The following NCAM1 variants were observed in gnomAD, a reference collection of about 807,000 sequenced individuals.
NCAM1 encodes antigen recognized by monoclonal antibody 5.1H11.
A neutral mutation model predicts 109.8 loss-of-function variants in NCAM1; 14 were observed. The observed-to-expected ratio is 0.13, with a 90% CI of 0.08 to 0.20. The LOEUF is 0.20. Ranked by LOEUF, NCAM1 falls within the 10% of genes least tolerant of loss-of-function variation. NCAM1 has a pLI of 1.00. For missense variants in NCAM1, 774 were observed against 1,109.9 expected, an observed-to-expected ratio of 0.70 and a Z score of 4.30; for synonymous variants, 418 against 442.9, an observed-to-expected ratio of 0.94 and a Z score of 0.70.
At chr11:112,968,893 C>T (rs924649058) in intron 1 of NCAM1, among the ~76,000 whole-genome samples, 1 of 152,140 alleles carries the variant, frequency 6.6e-6, no homozygotes, top group Non-Finnish European at 1.5e-5. Context: ...ACTCAACAAA[C>T]CTTTGTGAAG....
rs60389510 is a variant in NCAM1 at position 113,199,829 on chromosome 11, T to TGAA, written c.53-2550_53-2549insGAA. On this transcript the variant is annotated intron_variant, in intron 1 of 19. Transcript: ENST00000316851. ...GCAAATAAAGTAAAAGAAACACCCT[T>TGAA]AAAAAAAAAAAAAAAAAAAACTTCT... 3.1e-3 allele frequency among the ~76,000 whole-genome samples: 356 copies of TGAA among 115,772 alleles called. 13 individuals are homozygous for TGAA. Among genetic ancestry groups the TGAA allele is most frequent in the African/African-American group, 0.011 (310 of 29,346 alleles). The allele number at this position is 115,772 out of a possible 152,430, so 76.0% of individuals were successfully genotyped here. A position where few individuals can be genotyped will look rare whatever the true frequency, so the allele number is the denominator to read the frequency against.
intron 17 of NCAM1, among the ~76,000 whole-genome samples, chr11:113,262,452 C>T (rs542521233): frequency 3.9e-5 from 6 of 152,206 alleles, no homozygotes; most frequent in Non-Finnish European, 8.8e-5. Context: ...TGTATTTTAG[C>T]GTGGAGGCTT....
At chr11:113,011,118 C>T (rs1328403858) in intron 1 of NCAM1, among the ~76,000 whole-genome samples, 2 of 123,272 alleles carry the variant, frequency 1.6e-5, no homozygotes, top group Non-Finnish European at 3.4e-5. Context: ...CCCCCTCCCC[C>T]CACCCCACCA....
intron 1 of NCAM1, among the ~76,000 whole-genome samples, chr11:113,108,558 G>T (rs998888578): frequency 3.9e-5 from 6 of 152,116 alleles, no homozygotes; most frequent in Non-Finnish European, 8.8e-5. Flanking sequence ...TTCCTGAGAA[G>T]ACTAGGGTAT....
At chr11:113,205,974 G>T in intron 4 of NCAM1, 69 bp from the exon 5 acceptor site, 1 of 1,584,284 alleles carries the variant, frequency 6.3e-7, no homozygotes, top group South Asian at 1.1e-5. Context: ...AAAGGAAAGA[G>T]ACTCAGCCAC....
At chr11:113,133,293 T>C (rs1941474758) in intron 1 of NCAM1, 1 of 152,210 alleles carries the variant, frequency 6.6e-6, no homozygotes, top group Non-Finnish European at 1.5e-5. Flanking sequence ...CTTTGTGTGA[T>C]AGATGTTATT....
chr11:113,051,864 T>A (rs981139498), intron 1 of NCAM1, among the ~76,000 whole-genome samples: 3 of 152,238 alleles, frequency 2.0e-5, no homozygotes, highest in African/African-American at 4.8e-5. Flanking sequence ...CTAAATTAAT[T>A]CATATAAATG....
At chr11:113,148,912 A>G (rs1389162589) in intron 1 of NCAM1, among the ~76,000 whole-genome samples, 1 of 152,142 alleles carries the variant, frequency 6.6e-6, no homozygotes, top group Non-Finnish European at 1.5e-5. Context: ...GGGCAGCAAG[A>G]TAAGGCAGAA....
In NCAM1 at chr11:113,275,417, A is replaced by T. The variant is rs1946382806; in HGVS notation, c.*30A>T. 6.2e-7 allele frequency: 1 copy of T among 1,601,440 alleles called. No homozygotes were observed. Among genetic ancestry groups the T allele is most frequent in the Non-Finnish European group, 8.5e-7 (1 of 1,173,726 alleles). On this transcript the variant is annotated 3_prime_UTR_variant, in exon 20 of 20. Transcript: ENST00000316851. ...TGAAGAGAACCGAGCAAAGATCAAA[A>T]TAAAAAGTGACACAGCAGCTTCACC... is the stretch of plus-strand genomic sequence containing the variant.
At chr11:113,099,346 T>C (rs2135843662) in intron 1 of NCAM1, among the ~76,000 whole-genome samples, 1 of 152,282 alleles carries the variant, frequency 6.6e-6, no homozygotes, top group East Asian at 1.9e-4. Flanking sequence ...TACAGTGATA[T>C]ATTCATTGTC....
In NCAM1 at chr11:113,040,747, CTT is replaced by C; in HGVS notation, c.52+79084_52+79085del. Among the ~76,000 whole-genome samples the C allele has an allele frequency of 1.3e-5, 2 of 152,116 alleles. 1 individual carries two copies. Among genetic ancestry groups the C allele is most frequent in the Non-Finnish European group, 2.9e-5 (2 of 68,010 alleles). ...CTCTCTTATAAAGTGATGGGTGATTCTTACTATGTTTTAAGTGTTGTTTGTTG... is the reference window on the plus strand; with the variant it reads ...CTCTCTTATAAAGTGATGGGTGATTCACTATGTTTTAAGTGTTGTTTGTTG... On this transcript the variant is annotated intron_variant, in intron 1 of 19. Transcript: ENST00000316851.
chr11:113,201,733 G>A (rs781789693), intron 1 of NCAM1, among the ~76,000 whole-genome samples: 12 of 152,234 alleles, frequency 7.9e-5, no homozygotes, highest in Non-Finnish European at 5.9e-5. Context: ...AATTTCCAAA[G>A]GGTGTCTGAC....
chr11:113,121,328 C>A (rs1257474829), intron 1 of NCAM1, among the ~76,000 whole-genome samples: 4 of 146,240 alleles, frequency 2.7e-5, no homozygotes, highest in Non-Finnish European at 5.9e-5. Context: ...TCAAGTGATT[C>A]TCATGCCTCA....
intron 9 of NCAM1, among the ~76,000 whole-genome samples, chr11:113,230,326 C>A (rs1038642356): frequency 6.6e-6 from 1 of 152,170 alleles, no homozygotes; most frequent in Admixed American, 6.5e-5. Flanking sequence ...GGAGGAATGG[C>A]ACTTGCAGAA....
chr11:113,158,526 C>T (rs1942492748), intron 1 of NCAM1, among the ~76,000 whole-genome samples: 1 of 152,212 alleles, frequency 6.6e-6, no homozygotes, highest in African/African-American at 2.4e-5. Context: ...GTTCTCATGA[C>T]ATGCTCCCAC....
chr11:113,116,391 T>C (rs873804), intron 1 of NCAM1, among the ~76,000 whole-genome samples: 85,995 of 151,956 alleles, frequency 0.57, 24,723 homozygotes, highest in African/African-American at 0.61. Context: ...GAGGCTGCAG[T>C]GCTTTCTCCA....
intron 1 of NCAM1, among the ~76,000 whole-genome samples, chr11:113,122,772 G>A (rs1043285856): frequency 1.3e-5 from 2 of 152,074 alleles, no homozygotes; most frequent in African/African-American, 2.4e-5. Flanking sequence ...CAACAAGAGC[G>A]AAACTCCGTC....
intron 1 of NCAM1, among the ~76,000 whole-genome samples, chr11:112,986,698 T>TC (rs1555069714): frequency 6.6e-6 from 1 of 152,044 alleles, no homozygotes; most frequent in African/African-American, 2.4e-5. Context: ...CATATAATCT[T>TC]CACAGTAGTC....
At chr11:112,984,165 C>T (rs914573986) in intron 1 of NCAM1, among the ~76,000 whole-genome samples, 6 of 151,994 alleles carry the variant, frequency 3.9e-5, no homozygotes, top group East Asian at 1.9e-4. Context: ...GTATTTTCCT[C>T]GTGTGTCTGG....
Sources: allele counts gnomAD v4.1 joint callset (sites outside exome capture counted in the v4.1 genomes callset), GRCh38; gene constraint gnomAD v4.1.1; transcripts MANE v1.5; gene names NCBI Gene and HGNC (gene_info 2026-07-23, HGNC 2026-07-21).